TCF12: variants seen among roughly 807,000 people sequenced by gnomAD.
TCF12 encodes the protein DNA-binding protein HTF4.
Under a neutral mutation model 86.0 loss-of-function variants are expected in TCF12, and 45 were observed. That is an observed-to-expected ratio of 0.52 (90% CI 0.41 to 0.67). The LOEUF is 0.67. Ranked by LOEUF, TCF12 falls within the 30% of genes least tolerant of loss-of-function variation. The probability of loss-of-function intolerance (pLI) is 0.00; values close to 1 mark genes in which losing one functional copy is unlikely to be tolerated. For missense variants in TCF12, 881 were observed against 859.9 expected, an observed-to-expected ratio of 1.02 and a Z score of -0.31; for synonymous variants, 330 against 299.6, an observed-to-expected ratio of 1.10 and a Z score of -1.05.
At position 57,232,791 on chromosome 15, in the gene TCF12, C is replaced by G. The variant is rs141884376; in HGVS notation, c.905C>G (p.Thr302Ser). ...PPMSSFHRGSTSSSPYVAASH... is the reference protein window; with the variant it reads ...PPMSSFHRGSSSSSPYVAASH... ...ATGTCCAGCTTTCATCGCGGCAGTA[C>G]CAGCAGTTCACCTTACGTTGCTGCC... is the stretch of plus-strand genomic sequence containing the variant. The change falls in exon 11 of 21, where the codon ACC becomes AGC. Residue 302 changes from threonine to serine, a missense_variant. Transcript: ENST00000333725. 2.5e-6 allele frequency: 4 copies of G among 1,612,756 alleles called. No homozygotes were observed. In the African/African-American group the frequency reaches 4.0e-5, roughly 16 times the overall value.
intron 11 of TCF12, 74 bp downstream of exon 11, chr15:57,232,930 ATATG>A: frequency 9.8e-7 from 1 of 1,023,750 alleles, no homozygotes; most frequent in Non-Finnish European, 1.3e-6. Context: ...TTATATATAT[ATATG>A]TATGTTTTAT....
At chr15:57,271,113 G>C (rs1217897889) in intron 18 of TCF12, among the ~76,000 whole-genome samples, 1 of 152,216 alleles carries the variant, frequency 6.6e-6, no homozygotes, top group African/African-American at 2.4e-5. Context: ...CTGTCAGGCA[G>C]GGATATTTAA....
chr15:57,170,778 AATAT>A (rs370771443), intron 6 of TCF12, among the ~76,000 whole-genome samples: 1 of 53,154 alleles, frequency 1.9e-5, no homozygotes, highest in Non-Finnish European at 3.2e-5. Context: ...TATTATATAT[AATAT>A]ATATATATAA....
chr15:57,148,055 A>T lies in TCF12; in HGVS notation c.326-18347A>T, dbSNP rs113698572. ...CACCATGCCCTGCTAATTTTTTTTT[A>T]TTATTATTTGTAGAGACACGATCGC... On this transcript the variant is annotated intron_variant, in intron 5 of 20. Transcript: ENST00000333725. Among the ~76,000 whole-genome samples the T allele has an allele frequency of 8.6e-5, 13 of 151,098 alleles. 1 individual carries two copies. The highest frequency in any genetic ancestry group is 2.9e-4 in the African/African-American group (12 of 41,158).
chr15:57,009,922 G>A (rs796205805), intron 3 of TCF12, among the ~76,000 whole-genome samples: 3 of 152,146 alleles, frequency 2.0e-5, no homozygotes, highest in African/African-American at 4.8e-5. Context: ...ATGAAATAAG[G>A]TATTTGGATT....
chr15:56,920,487 C>CGTGTGTGTGTGTGTGTGTGTGTGT (rs71113033), intron 2 of TCF12, among the ~76,000 whole-genome samples: 4 of 146,870 alleles, frequency 2.7e-5, no homozygotes, highest in African/African-American at 1.0e-4. Context: ...CACACACACA[C>CGTGTGTGTGTGTGTGTGTGTGTGT]GTGTGTGTGT....
chr15:56,963,147 G>A (rs2140605980), intron 3 of TCF12, among the ~76,000 whole-genome samples: 1 of 145,806 alleles, frequency 6.9e-6, no homozygotes, highest in East Asian at 2.0e-4. Context: ...TTCTATTATA[G>A]TACTTGTTTT....
chr15:57,022,498 G>T (rs1325414079), intron 3 of TCF12, among the ~76,000 whole-genome samples: 2 of 152,126 alleles, frequency 1.3e-5, no homozygotes, highest in African/African-American at 4.8e-5. Context: ...CCAAGTCTTT[G>T]CTATTGTGAA....
intron 8 of TCF12, chr15:57,214,372 AT>A (rs1328272343): frequency 2.6e-5 from 4 of 152,182 alleles, no homozygotes; most frequent in Middle Eastern, 3.4e-3. Context: ...TCAGAAAGAG[AT>A]TTATTTGCTT....
At position 56,951,078 on chromosome 15, in the gene TCF12, G is replaced by A. The variant is rs532723751; in HGVS notation, c.148+29980G>A. Among the ~76,000 whole-genome samples the A allele has an allele frequency of 3.3e-5, 5 of 152,158 alleles. No individual in the cohort carries two copies. The East Asian group carries it at 9.7e-4, about 29-fold the overall frequency. On this transcript the variant is annotated intron_variant, in intron 3 of 20. Transcript: ENST00000333725. ...GCCATTATGACCATTCTTAATGCAA[G>A]TCTTTATGTGGACATTCATATGGTA...
rs147395283 is a variant in TCF12 at position 57,236,418 on chromosome 15, T to A, written c.1035+2311T>A. On this transcript the variant is annotated intron_variant, in intron 12 of 20. Coordinates refer to ENST00000333725, the MANE Select transcript of TCF12 (RefSeq NM_207037.2). The stretch of plus-strand genomic sequence containing the variant: ...TGAGAGTCTGACATGCATATCATAA[T>A]TTTATGTCAGGTATTATAGATATTT... Among the ~76,000 whole-genome samples, 615 of 152,306 alleles carry A rather than the reference T, an allele frequency of 4.0e-3. 2 individuals carry two copies. The highest frequency in any genetic ancestry group is 0.014 in the African/African-American group (595 of 41,566).
At chr15:57,241,512 G>A (rs570095328) in intron 12 of TCF12, among the ~76,000 whole-genome samples, 23 of 152,232 alleles carry the variant, frequency 1.5e-4, no homozygotes, top group African/African-American at 5.3e-4. Flanking sequence ...TCTAGATCCT[G>A]AAAATAGAGT....
intron 3 of TCF12, among the ~76,000 whole-genome samples, chr15:57,061,085 G>A (rs1223427351): frequency 6.6e-6 from 1 of 152,134 alleles, no homozygotes; most frequent in Non-Finnish European, 1.5e-5. Flanking sequence ...TCAGTGGTAT[G>A]TACTACTCTT....
At chr15:57,195,301 G>A (rs2057201909) in intron 7 of TCF12, among the ~76,000 whole-genome samples, 1 of 152,184 alleles carries the variant, frequency 6.6e-6, no homozygotes, top group Non-Finnish European at 1.5e-5. Context: ...ATTGTATAGT[G>A]GTGGGTAACC....
At chr15:57,002,473 T>G (rs1358150593) in intron 3 of TCF12, among the ~76,000 whole-genome samples, 3 of 152,250 alleles carry the variant, frequency 2.0e-5, no homozygotes, top group African/African-American at 7.2e-5. Flanking sequence ...TATCTTCATA[T>G]TCATAAACCT....
intron 3 of TCF12, among the ~76,000 whole-genome samples, chr15:57,013,047 T>C (rs975938084): frequency 1.3e-5 from 2 of 152,084 alleles, no homozygotes; most frequent in Non-Finnish European, 2.9e-5. Flanking sequence ...TTTTTTTTTT[T>C]ATGTGTGTGA....
At chr15:57,005,875 AT>A (rs2064341978) in intron 3 of TCF12, among the ~76,000 whole-genome samples, 1 of 152,092 alleles carries the variant, frequency 6.6e-6, no homozygotes, top group Non-Finnish European at 1.5e-5. Context: ...CAGTCTGAGT[AT>A]TTTACGGAAG....
intron 3 of TCF12, among the ~76,000 whole-genome samples, chr15:56,926,049 CG>C (rs1389851093): frequency 6.6e-6 from 1 of 152,170 alleles, no homozygotes. Flanking sequence ...TGGTGGCTCA[CG>C]CCTGTAATCA....
chr15:57,137,561 T>A lies in TCF12; in HGVS notation c.326-28841T>A, dbSNP rs1224275038. On this transcript the variant is annotated intron_variant, in intron 5 of 20. Coordinates refer to ENST00000333725, the MANE Select transcript of TCF12 (RefSeq NM_207037.2). Reference sequence around the variant, plus strand: ...ATGTAGGAATCGTTGTAGGATTTAATACATTTTAACCATTGATATTTGGTT... The same window carrying A: ...ATGTAGGAATCGTTGTAGGATTTAAAACATTTTAACCATTGATATTTGGTT... Among the ~76,000 whole-genome samples the A allele has an allele frequency of 2.6e-5, 4 of 152,364 alleles. No individual in the cohort carries two copies. In the East Asian group the frequency reaches 7.7e-4, roughly 29 times the overall value.
Sources: gnomAD v4.1 joint callset for allele counts (sites outside exome capture counted in the v4.1 genomes callset) on GRCh38, gnomAD v4.1.1 for gene constraint, MANE v1.5 for transcripts, NCBI Gene and HGNC (gene_info 2026-07-23, HGNC 2026-07-21) for gene names.